ZNF536: variants seen among roughly 807,000 people sequenced by gnomAD.
The protein encoded by ZNF536 is zinc finger protein 536.
ZNF536 carries 13 observed loss-of-function variants against 84.5 expected under a neutral mutation model. The ratio of observed to expected loss-of-function variants is 0.15; its 90% CI spans 0.10 to 0.24. The LOEUF (loss-of-function observed/expected upper bound fraction) is 0.24. ZNF536 is among the 10% of genes least tolerant of loss of function. The probability of loss-of-function intolerance (pLI) is 1.00; values close to 1 mark genes in which losing one functional copy is unlikely to be tolerated. For synonymous variants in ZNF536, 811 were observed against 742.5 expected (o/e 1.09, Z -1.50); for missense variants, 1,536 against 1,747.5 (o/e 0.88, Z 2.16).
chr19:30,695,400 G>A (rs1021487309), intron 1 of ZNF536, among the ~76,000 whole-genome samples: 3 of 152,202 alleles, frequency 2.0e-5, no homozygotes, highest in African/African-American at 7.2e-5. Context: ...CAGCCTCCTA[G>A]AGCCATTAGC....
chr19:30,373,617 A>C (rs890852715), intron 1 of ZNF536, among the ~76,000 whole-genome samples: 2 of 152,200 alleles, frequency 1.3e-5, no homozygotes. Flanking sequence ...AATGCTACAG[A>C]AAGAAAAATT....
downstream of ZNF536, among the ~76,000 whole-genome samples, chr19:30,561,533 A>C (rs976879690): frequency 6.6e-6 from 1 of 152,240 alleles, no homozygotes; most frequent in Non-Finnish European, 1.5e-5. Flanking sequence ...GAGGTGACCC[A>C]GGAAGCATGA....
intron 1 of ZNF536, among the ~76,000 whole-genome samples, chr19:30,260,271 C>T (rs2025140085): frequency 6.6e-6 from 1 of 152,192 alleles, no homozygotes; most frequent in Non-Finnish European, 1.5e-5. Flanking sequence ...CTTTTGAGTC[C>T]TGCATCCTGC....
At chr19:30,428,022 C>G (rs2051288910) in intron 1 of ZNF536, among the ~76,000 whole-genome samples, 1 of 152,208 alleles carries the variant, frequency 6.6e-6, no homozygotes, top group Non-Finnish European at 1.5e-5. Context: ...TGTGAATTCC[C>G]TGCTCACATG....
chr19:30,651,510 G>T (rs185158424), intron 1 of ZNF536, among the ~76,000 whole-genome samples: 1 of 152,298 alleles, frequency 6.6e-6, no homozygotes, highest in African/African-American at 2.4e-5. Context: ...AAGAGAATAA[G>T]CACGAGGAAA....
intron 1 of ZNF536, among the ~76,000 whole-genome samples, chr19:30,599,285 C>T (rs2047591074): frequency 8.3e-6 from 1 of 120,408 alleles, no homozygotes; most frequent in African/African-American, 3.3e-5. Flanking sequence ...TGTCTCTCTC[C>T]TTTCCTACCT....
intron 2 of ZNF536, among the ~76,000 whole-genome samples, chr19:30,471,789 TGCAGGAGCCAGTGGTTAGTAACAAACA>T (rs1233351603): frequency 3.3e-5 from 5 of 152,244 alleles, no homozygotes; most frequent in Admixed American, 1.3e-4. Context: ...GTTGGGTGTG[TGCAGGAGCCAGTGGTTAGTAACAAACA>T]GCAGCAACTC....
chr19:30,662,564 A>AT (rs397958015), intron 1 of ZNF536, among the ~76,000 whole-genome samples: 2,859 of 148,782 alleles, frequency 0.019, 77 homozygotes, highest in African/African-American at 0.065. Context: ...TTGTTTTTTG[A>AT]TTTTTTTTTT....
intron 1 of ZNF536, among the ~76,000 whole-genome samples, chr19:30,605,355 A>G (rs12463210): frequency 0.017 from 2,530 of 148,798 alleles, 96 homozygotes; most frequent in Admixed American, 0.092. Context: ...CCCCACCGCC[A>G]AGTCCCCAAC....
intron 2 of ZNF536, among the ~76,000 whole-genome samples, chr19:30,304,430 T>C (rs775611744): frequency 2.1e-4 from 32 of 152,202 alleles, no homozygotes; most frequent in South Asian, 4.1e-4. Flanking sequence ...GTTATCCCAT[T>C]CTCCTGCAAG....
intron 1 of ZNF536, among the ~76,000 whole-genome samples, chr19:30,591,471 G>T (rs1402675788): frequency 6.6e-6 from 1 of 152,164 alleles, no homozygotes; most frequent in Admixed American, 6.5e-5. Context: ...GGGAACTCCT[G>T]TTCATAAAAT....
upstream of ZNF536, among the ~76,000 whole-genome samples, chr19:30,227,479 C>T (rs1273050119): frequency 6.6e-6 from 1 of 152,132 alleles, no homozygotes; most frequent in Admixed American, 6.5e-5. Context: ...GTTTTGTTTG[C>T]CAGATATTGT....
At chr19:30,433,760 G>A (rs62101951) in intron 1 of ZNF536, among the ~76,000 whole-genome samples, 7,730 of 152,234 alleles carry the variant, frequency 0.051, 234 homozygotes, top group South Asian at 0.081. Flanking sequence ...GCCTCCCAAA[G>A]TGCTGGGATT....
At chr19:30,666,809 T>C (rs1364782189) in intron 1 of ZNF536, among the ~76,000 whole-genome samples, 7 of 147,932 alleles carry the variant, frequency 4.7e-5, no homozygotes, top group Non-Finnish European at 8.9e-5. Flanking sequence ...AAAATATATG[T>C]ATGTGTATAT....
chr19:30,424,289 C>T (rs1321219350), intron 1 of ZNF536, among the ~76,000 whole-genome samples: 1 of 152,154 alleles, frequency 6.6e-6, no homozygotes, highest in Non-Finnish European at 1.5e-5. Context: ...TGCCTGGTCA[C>T]TCTGGGCTTC....
intron 1 of ZNF536, among the ~76,000 whole-genome samples, chr19:30,615,192 G>A (rs1459328773): frequency 6.6e-6 from 1 of 150,568 alleles, no homozygotes; most frequent in Admixed American, 6.6e-5. Context: ...TGATCCGCCC[G>A]TCTCGGCCTC....
At chr19:30,354,502 G>T (rs2146768410) in intron 3 of ZNF536, among the ~76,000 whole-genome samples, 2 of 152,270 alleles carry the variant, frequency 1.3e-5, no homozygotes, top group Middle Eastern at 6.8e-3. Flanking sequence ...CAACGTATTG[G>T]AATTACAGGC....
chr19:30,261,697 CAAAAAAAA>C (rs56820609), intron 1 of ZNF536, among the ~76,000 whole-genome samples: 4 of 99,922 alleles, frequency 4.0e-5, no homozygotes, highest in Admixed American at 1.1e-4. Flanking sequence ...GGACCTTGTC[CAAAAAAAA>C]AAAAAAAAAA....
At chr19:30,433,000 T>C (rs2148001075) in intron 1 of ZNF536, among the ~76,000 whole-genome samples, 1 of 152,272 alleles carries the variant, frequency 6.6e-6, no homozygotes, top group Middle Eastern at 3.4e-3. Context: ...GTTAAGAGCT[T>C]CTTGAGCCGC....
Sources: allele counts gnomAD v4.1 joint callset (sites outside exome capture counted in the v4.1 genomes callset), GRCh38; gene constraint gnomAD v4.1.1; transcripts MANE v1.5; gene names NCBI Gene and HGNC (gene_info 2026-07-23, HGNC 2026-07-21).